FOXN3: variants seen among roughly 807,000 people sequenced by gnomAD.
FOXN3 encodes the protein forkhead box protein N3.
In FOXN3, 7 loss-of-function variants were observed where a neutral mutation model predicts 38.4. The ratio of observed to expected loss-of-function variants is 0.18; its 90% CI spans 0.10 to 0.34. The LOEUF (loss-of-function observed/expected upper bound fraction) is 0.34. FOXN3 is among the 10% of genes least tolerant of loss of function. The pLI is 1.00. For missense variants in FOXN3, 456 were observed against 613.4 expected (o/e 0.74, Z 2.71); for synonymous variants, 230 against 242.2 (o/e 0.95, Z 0.47).
chr14:89,413,258 A>T (rs1596260181), intron 1 of FOXN3, among the ~76,000 whole-genome samples: 2 of 152,222 alleles, frequency 1.3e-5, no homozygotes, highest in Non-Finnish European at 2.9e-5. Flanking sequence ...CGTAGCGCTA[A>T]AACAATATGC....
chr14:89,596,202 A>G (rs1193964680), intron 1 of FOXN3, among the ~76,000 whole-genome samples: 1 of 152,154 alleles, frequency 6.6e-6, no homozygotes, highest in Non-Finnish European at 1.5e-5. Context: ...CAGTGGCACA[A>G]TCTCGGCTCA....
chr14:89,574,717 G>A lies in FOXN3; in HGVS notation c.-15+44311C>T, dbSNP rs114448226. ...ATCTCAATGGGAAGCTTCTCTGATC[G>A]TCCTACAGGCAGTGGCTGGAACAAG... is the stretch of plus-strand genomic sequence containing the variant. On this transcript the variant is annotated intron_variant, in intron 1 of 6. Transcript: ENST00000345097. Among the ~76,000 whole-genome samples the A allele has an allele frequency of 5.7e-3, 864 of 152,166 alleles. 10 individuals carry two copies. The highest frequency in any genetic ancestry group is 0.02 in the African/African-American group (836 of 41,496).
chr14:89,370,504 A>G (rs1378385119), intron 2 of FOXN3, among the ~76,000 whole-genome samples: 3 of 152,264 alleles, frequency 2.0e-5, no homozygotes, highest in Non-Finnish European at 4.4e-5. Flanking sequence ...ACAGAATCCC[A>G]AAGAGTGGGA....
intron 1 of FOXN3, among the ~76,000 whole-genome samples, chr14:89,601,066 C>A (rs1896143128): frequency 6.6e-6 from 1 of 152,144 alleles, no homozygotes; most frequent in Non-Finnish European, 1.5e-5. Context: ...CTCCTTTGGG[C>A]TGGAGAGCTG....
At chr14:89,257,523 T>G (rs1885661645) in intron 4 of FOXN3, among the ~76,000 whole-genome samples, 1 of 152,234 alleles carries the variant, frequency 6.6e-6, no homozygotes, top group Non-Finnish European at 1.5e-5. Context: ...GGGAAGAGAC[T>G]AGATTAGGAA....
At chr14:89,279,834 A>AT (rs1175860241) in intron 4 of FOXN3, among the ~76,000 whole-genome samples, 1 of 152,254 alleles carries the variant, frequency 6.6e-6, no homozygotes, top group Non-Finnish European at 1.5e-5. Flanking sequence ...TGCGTGGCCT[A>AT]TAAATCAGCA....
intron 1 of FOXN3, among the ~76,000 whole-genome samples, chr14:89,441,791 G>A (rs1055652216): frequency 5.3e-5 from 8 of 152,112 alleles, no homozygotes; most frequent in Admixed American, 2.0e-4. Flanking sequence ...GATCCTGGAG[G>A]GTCCCTATGG....
intron 3 of FOXN3, among the ~76,000 whole-genome samples, chr14:89,282,916 C>T (rs988918026): frequency 1.3e-5 from 2 of 152,182 alleles, no homozygotes; most frequent in Non-Finnish European, 2.9e-5. Flanking sequence ...AAGATTCTTA[C>T]AACATCCTTT....
chr14:89,441,987 C>T (rs1892396981), intron 1 of FOXN3, among the ~76,000 whole-genome samples: 1 of 144,274 alleles, frequency 6.9e-6, no homozygotes, highest in Non-Finnish European at 1.5e-5. Context: ...AGTGCAATGG[C>T]ATGATCTCGG....
chr14:89,438,939 TAGTAGGAC>T (rs1376897186), intron 1 of FOXN3, among the ~76,000 whole-genome samples: 1 of 152,098 alleles, frequency 6.6e-6, no homozygotes, highest in Non-Finnish European at 1.5e-5. Context: ...TTCGTATTTT[TAGTAGGAC>T]AGAGTTTCTC....
chr14:89,324,692 C>A (rs751449484), intron 3 of FOXN3, among the ~76,000 whole-genome samples: 1 of 152,124 alleles, frequency 6.6e-6, no homozygotes, highest in Admixed American at 6.5e-5. Flanking sequence ...GACCCACACA[C>A]ATGGGTCCCC....
chr14:89,521,392 G>A (rs1426079397), intron 1 of FOXN3, among the ~76,000 whole-genome samples: 4 of 151,212 alleles, frequency 2.6e-5, no homozygotes, highest in Non-Finnish European at 4.4e-5. Context: ...GAGACAGATA[G>A]AATAAAAAGA....
At chr14:89,265,042 C>A (rs1319106004) in intron 4 of FOXN3, among the ~76,000 whole-genome samples, 1 of 152,062 alleles carries the variant, frequency 6.6e-6, no homozygotes, top group East Asian at 1.9e-4. Flanking sequence ...TTGGATTTTC[C>A]AAATAATAAT....
intron 1 of FOXN3, among the ~76,000 whole-genome samples, chr14:89,613,096 G>A (rs1226402927): frequency 1.7e-5 from 2 of 116,704 alleles, no homozygotes; most frequent in Non-Finnish European, 3.2e-5. Flanking sequence ...CTGCCTGGGC[G>A]ACAGAGCAAG....
At chr14:89,501,474 G>A (rs913842702) in intron 1 of FOXN3, among the ~76,000 whole-genome samples, 2 of 152,134 alleles carry the variant, frequency 1.3e-5, no homozygotes, top group Non-Finnish European at 2.9e-5. Flanking sequence ...CCTCTGCATA[G>A]TCATAAGTAG....
At chr14:89,414,586 C>T (rs1477039511) in intron 1 of FOXN3, among the ~76,000 whole-genome samples, 1 of 143,904 alleles carries the variant, frequency 6.9e-6, no homozygotes, top group Non-Finnish European at 1.5e-5. Context: ...CAGAGTCTCA[C>T]TCTGTTGCCC....
intron 4 of FOXN3, among the ~76,000 whole-genome samples, chr14:89,249,662 G>A (rs534168843): frequency 5.1e-4 from 78 of 152,294 alleles, no homozygotes; most frequent in Middle Eastern, 3.4e-3. Context: ...TGTAGAGGAA[G>A]GTCTCATAGT....
At chr14:89,183,540 A>G (rs1282065866) in intron 4 of FOXN3, among the ~76,000 whole-genome samples, 3 of 152,188 alleles carry the variant, frequency 2.0e-5, no homozygotes, top group African/African-American at 7.2e-5. Flanking sequence ...GGGGGCCTAG[A>G]GGCAGAAAGG....
chr14:89,215,160 T>C (rs1443870791), intron 4 of FOXN3, among the ~76,000 whole-genome samples: 2 of 151,800 alleles, frequency 1.3e-5, no homozygotes, highest in Non-Finnish European at 2.9e-5. Flanking sequence ...CAAGTTTCAT[T>C]AGATACAGTT....
Sources: gnomAD v4.1 joint callset for allele counts (sites outside exome capture counted in the v4.1 genomes callset) on GRCh38, gnomAD v4.1.1 for gene constraint, MANE v1.5 for transcripts, NCBI Gene and HGNC (gene_info 2026-07-23, HGNC 2026-07-21) for gene names.